B4GALT4: variants seen among roughly 807,000 people sequenced by gnomAD.
B4GALT4 encodes the protein beta-1,4-galactosyltransferase 4.
Under a neutral mutation model 37.3 loss-of-function variants are expected in B4GALT4, and 27 were observed. The ratio of observed to expected loss-of-function variants is 0.72; its 90% CI spans 0.53 to 1.00. B4GALT4 has a LOEUF of 1.00. B4GALT4 is among the 50% of genes least tolerant of loss of function. The probability of loss-of-function intolerance (pLI) is 0.00; values close to 1 mark genes in which losing one functional copy is unlikely to be tolerated. For synonymous variants in B4GALT4, 148 were observed against 154.1 expected, an observed-to-expected ratio of 0.96 and a Z score of 0.29; for missense variants, 372 against 413.1, an observed-to-expected ratio of 0.90 and a Z score of 0.86.
chr3:119,235,686 C>T (rs548836056), intron 2 of B4GALT4, among the ~76,000 whole-genome samples: 1 of 152,276 alleles, frequency 6.6e-6, no homozygotes, highest in Admixed American at 6.5e-5. Context: ...TGGCCAGATC[C>T]TAAAGGGACA....
chr3:119,234,625 A>G (rs1034537705), intron 2 of B4GALT4, among the ~76,000 whole-genome samples: 1 of 152,210 alleles, frequency 6.6e-6, no homozygotes, highest in Non-Finnish European at 1.5e-5. Context: ...AGTTATTTTT[A>G]GGGCAAGTGA....
chr3:119,218,621 C>T (rs371840302), intron 6 of B4GALT4, 29 bp downstream of exon 6: 123 of 1,613,742 alleles, frequency 7.6e-5, no homozygotes, highest in Non-Finnish European at 1.0e-4. Context: ...TGCAGAGCCC[C>T]GTGAAGGGGA....
intron 3 of B4GALT4, among the ~76,000 whole-genome samples, chr3:119,228,178 G>A (rs976754920): frequency 2.6e-5 from 4 of 152,164 alleles, no homozygotes; most frequent in Admixed American, 1.3e-4. Flanking sequence ...AATCCCCATC[G>A]TTAACCTGAC....
At chr3:119,213,810 T>C (rs2078221904) in intron 7 of B4GALT4, 1 of 152,120 alleles carries the variant, frequency 6.6e-6, no homozygotes, top group African/African-American at 2.4e-5. Flanking sequence ...TTTTTTAACA[T>C]AAAGAGAAAA....
At chr3:119,226,703 G>C (rs2078629217) in intron 4 of B4GALT4, 106 bp downstream of exon 4, 1 of 918,574 alleles carries the variant, frequency 1.1e-6, no homozygotes, top group South Asian at 1.7e-5. Context: ...CGTTTTTGAT[G>C]ATAGTCTGAT....
At chr3:119,217,089 G>A (rs949595195) in intron 6 of B4GALT4, among the ~76,000 whole-genome samples, 1 of 152,176 alleles carries the variant, frequency 6.6e-6, no homozygotes, top group Admixed American at 6.5e-5. Flanking sequence ...CATTCTGAAG[G>A]CCATGATGGT....
At chr3:119,229,378 C>T (rs2078737604) in intron 3 of B4GALT4, among the ~76,000 whole-genome samples, 1 of 152,230 alleles carries the variant, frequency 6.6e-6, no homozygotes, top group Non-Finnish European at 1.5e-5. Context: ...GAATACTATA[C>T]ATCAATGAAA....
rs575912848 is a variant in B4GALT4 at position 119,217,716 on chromosome 3, G to A, written c.797+934C>T. Among the ~76,000 whole-genome samples, 379 of 151,998 alleles carry A rather than the reference G, an allele frequency of 2.5e-3. 1 individual carries two copies. Among genetic ancestry groups the A allele is most frequent in the African/African-American group, 8.9e-3 (369 of 41,438 alleles). On this transcript the variant is annotated intron_variant, in intron 6 of 7. Transcript: ENST00000393765. ...AAATTAGCCAGACACGGCGGCACACGCCTGTAGTCCCAGCTACTCGGGAGG... is the reference window on the plus strand; with the variant it reads ...AAATTAGCCAGACACGGCGGCACACACCTGTAGTCCCAGCTACTCGGGAGG...
At position 119,212,548 on chromosome 3, in the gene B4GALT4, G is replaced by A. The variant is rs768850722; in HGVS notation, c.*1C>T. 4.1e-5 allele frequency: 66 copies of A among 1,595,300 alleles called. No homozygotes were observed. Among genetic ancestry groups the A allele is most frequent in the Admixed American group, 1.6e-4 (9 of 55,694 alleles). The stretch of plus-strand genomic sequence containing the variant: ...TCCAAACATCACCAAAAGACCCAGG[G>A]TCATGCACCAAACCAGAAATCCACT... On this transcript the variant is annotated 3_prime_UTR_variant, in exon 8 of 8. Coordinates refer to ENST00000393765, the MANE Select transcript of B4GALT4 (RefSeq NM_003778.4).
intron 6 of B4GALT4, 128 bp from the exon 7 acceptor site, chr3:119,216,472 AGT>A: frequency 2.1e-6 from 1 of 483,382 alleles, no homozygotes. Context: ...ACACACACAC[AGT>A]GTCACAAACA....
chr3:119,224,657 T>C (rs1221477683), intron 4 of B4GALT4, among the ~76,000 whole-genome samples: 1 of 152,138 alleles, frequency 6.6e-6, no homozygotes, highest in Non-Finnish European at 1.5e-5. Context: ...ATAGTTAAGA[T>C]AGCAAAAATT....
At chr3:119,230,685 G>A (rs533019146) in intron 2 of B4GALT4, among the ~76,000 whole-genome samples, 14 of 152,266 alleles carry the variant, frequency 9.2e-5, no homozygotes, top group Admixed American at 3.9e-4. Context: ...AAGGGAAAAG[G>A]GAAAAGTTCT....
intron 2 of B4GALT4, among the ~76,000 whole-genome samples, chr3:119,232,013 AC>A (rs2078840943): frequency 6.6e-6 from 1 of 151,980 alleles, no homozygotes; most frequent in South Asian, 2.1e-4. Context: ...AAAAACAACA[AC>A]CACCTCAGAA....
chr3:119,226,241 T>C (rs2078614690), intron 4 of B4GALT4, among the ~76,000 whole-genome samples: 1 of 152,250 alleles, frequency 6.6e-6, no homozygotes, highest in Non-Finnish European at 1.5e-5. Flanking sequence ...CCGATAGTTA[T>C]GCTGTGCTCC....
intron 3 of B4GALT4, among the ~76,000 whole-genome samples, chr3:119,228,268 C>T (rs993871048): frequency 2.6e-5 from 4 of 152,138 alleles, no homozygotes; most frequent in African/African-American, 9.7e-5. Flanking sequence ...ACCTTCTCAT[C>T]GTCATAACTT....
chr3:119,230,414 A>G, intron 2 of B4GALT4, 170 bp from the exon 3 acceptor site: 1 of 339,610 alleles, frequency 2.9e-6, no homozygotes, highest in Non-Finnish European at 5.5e-6. Context: ...AGAGGTTCCA[A>G]GCATCAATAC....
At chr3:119,234,616 G>A (rs2107539907) in intron 2 of B4GALT4, among the ~76,000 whole-genome samples, 1 of 152,266 alleles carries the variant, frequency 6.6e-6, no homozygotes, top group Admixed American at 6.5e-5. Flanking sequence ...TTTAAAGAAA[G>A]TTATTTTTAG....
chr3:119,230,241 C>G lies in B4GALT4; in HGVS notation c.-142G>C, dbSNP rs2078763923. ...GTTTTTCTCAGTAGTTCTGCTCCAACAGTCTAAAACGCAATCACAAAAGAC... is the reference window on the plus strand; with the variant it reads ...GTTTTTCTCAGTAGTTCTGCTCCAAGAGTCTAAAACGCAATCACAAAAGAC... On this transcript the variant is annotated 5_prime_UTR_variant, in exon 3 of 8. Transcript: ENST00000393765. 1.9e-6 allele frequency: 2 copies of G among 1,045,368 alleles called. No individual in the cohort carries two copies. The highest frequency in any genetic ancestry group is 5.2e-5 in the Admixed American group (2 of 38,786). The allele number at this position is 1,045,368 out of a possible 1,614,324, so 64.8% of individuals were successfully genotyped here.
chr3:119,230,125 ATC>A lies in B4GALT4; in HGVS notation c.-28_-27del. ...GTTTTTTATTACGTGAATAATATCTATCTCTCTGCTTCACTGCAGGCAAGAAA... is the reference window on the plus strand; with the variant it reads ...GTTTTTTATTACGTGAATAATATCTATCTCTGCTTCACTGCAGGCAAGAAA... On this transcript the variant is annotated 5_prime_UTR_variant, in exon 3 of 8. Transcript: ENST00000393765. The A allele has an allele frequency of 6.2e-7, 1 of 1,611,810 alleles. No individual in the cohort carries two copies. The highest frequency in any genetic ancestry group is 8.5e-7 in the Non-Finnish European group (1 of 1,178,408).
Sources: gnomAD v4.1 joint callset for allele counts (sites outside exome capture counted in the v4.1 genomes callset) on GRCh38, gnomAD v4.1.1 for gene constraint, MANE v1.5 for transcripts, NCBI Gene and HGNC (gene_info 2026-07-23, HGNC 2026-07-21) for gene names.